Variants in SBF2 observed in about 807,000 individuals in gnomAD.
The protein encoded by SBF2 is myotubularin-related protein 13.
Under a neutral mutation model 225.2 loss-of-function variants are expected in SBF2, and 112 were observed. The observed-to-expected ratio is 0.50, with a 90% confidence interval of 0.43 to 0.58. SBF2 has a LOEUF of 0.58. Among genes scored for constraint, SBF2 ranks in the 20% least tolerant of loss-of-function variants. The pLI, the probability that SBF2 is intolerant of heterozygous loss-of-function variation, is 0.00. For synonymous variants in SBF2, 763 were observed against 773.3 expected (o/e 0.99, Z 0.22); for missense variants, 1,996 against 2,206.2 (o/e 0.90, Z 1.91).
intron 13 of SBF2, among the ~76,000 whole-genome samples, chr11:9,982,374 A>G (rs949278931): frequency 6.6e-6 from 1 of 152,242 alleles, no homozygotes; most frequent in Non-Finnish European, 1.5e-5. Context: ...TGTGACTAAC[A>G]TGTTTTCATA....
chr11:9,958,431 C>A (rs1409320085), intron 16 of SBF2: 1 of 149,268 alleles, frequency 6.7e-6, no homozygotes, highest in Non-Finnish European at 1.5e-5. Context: ...AATCTCGGCT[C>A]ACTGCAGGCT....
At chr11:10,121,978 C>T (rs934097595) in intron 2 of SBF2, among the ~76,000 whole-genome samples, 5 of 152,124 alleles carry the variant, frequency 3.3e-5, no homozygotes, top group African/African-American at 1.2e-4. Context: ...GGTTTGTGTT[C>T]AAGTAACCCT....
chr11:9,833,332 CTTT>C (rs944666286), intron 26 of SBF2, among the ~76,000 whole-genome samples: 5 of 150,698 alleles, frequency 3.3e-5, no homozygotes, highest in African/African-American at 9.8e-5. Flanking sequence ...AGAGTCATTT[CTTT>C]TTTTTAGTTT....
At chr11:9,840,066 C>G (rs1856012053) in intron 25 of SBF2, among the ~76,000 whole-genome samples, 1 of 144,776 alleles carries the variant, frequency 6.9e-6, no homozygotes, top group Non-Finnish European at 1.5e-5. Context: ...AATCTCATCT[C>G]TACTAAAAAT....
At chr11:9,843,868 G>GT (rs1471231273) in intron 24 of SBF2, 33 of 152,168 alleles carry the variant, frequency 2.2e-4, no homozygotes, top group African/African-American at 7.2e-4. Flanking sequence ...TAAAAGAGCT[G>GT]TAACACTAGG....
At chr11:10,043,194 T>C (rs1949722245) in intron 2 of SBF2, among the ~76,000 whole-genome samples, 1 of 152,198 alleles carries the variant, frequency 6.6e-6, no homozygotes, top group South Asian at 2.1e-4. Flanking sequence ...ATAGCCTCGA[T>C]TTCCCACAGT....
In SBF2 at chr11:9,842,773, A is replaced by G. The variant is rs2133961719; in HGVS notation, c.3111-3T>C. 2 of 1,614,024 alleles carry G rather than the reference A, an allele frequency of 1.2e-6. No individual in the cohort carries two copies. The highest frequency in any genetic ancestry group is 1.7e-6 in the Non-Finnish European group (2 of 1,179,934). On this transcript the variant is annotated splice_polypyrimidine_tract_variant and splice_region_variant and intron_variant, in intron 24 of 39. Transcript: ENST00000256190. ...TCACAATTGTTTTTGAGAAGGTACT[A>G]CAAGTCATAAAACCAAAGAGAATGT...
chr11:10,086,905 G>T (rs1324650883), intron 2 of SBF2, among the ~76,000 whole-genome samples: 3 of 152,178 alleles, frequency 2.0e-5, no homozygotes, highest in African/African-American at 7.2e-5. Context: ...TATAAACAGT[G>T]AATTAAGACC....
At chr11:10,006,586 A>G (rs1423005380) in intron 6 of SBF2, among the ~76,000 whole-genome samples, 1 of 152,102 alleles carries the variant, frequency 6.6e-6, no homozygotes, top group African/African-American at 2.4e-5. Flanking sequence ...GTGAGTTCCT[A>G]CATCAAGCCC....
At chr11:10,085,960 T>G in intron 2 of SBF2, among the ~76,000 whole-genome samples, 1 of 135,148 alleles carries the variant, frequency 7.4e-6, no homozygotes, top group Non-Finnish European at 1.6e-5. Flanking sequence ...TCAGCTGTCC[T>G]TCCCCCCACC....
chr11:10,192,651 C>G (rs1035196505), intron 2 of SBF2, among the ~76,000 whole-genome samples: 8 of 152,102 alleles, frequency 5.3e-5, no homozygotes, highest in Non-Finnish European at 8.8e-5. Flanking sequence ...TAATCATTAT[C>G]CTCATTTTAT....
At chr11:10,119,511 T>C (rs935565773) in intron 2 of SBF2, among the ~76,000 whole-genome samples, 1 of 152,164 alleles carries the variant, frequency 6.6e-6, no homozygotes, top group Non-Finnish European at 1.5e-5. Flanking sequence ...CAAAAATAGA[T>C]TCAAAAGTTC....
At chr11:9,851,044 G>A (rs928407423) in intron 21 of SBF2, among the ~76,000 whole-genome samples, 2 of 150,838 alleles carry the variant, frequency 1.3e-5, no homozygotes, top group East Asian at 3.9e-4. Flanking sequence ...GCGGAGGCAG[G>A]AGAATCGCTT....
intron 17 of SBF2, among the ~76,000 whole-genome samples, chr11:9,884,566 G>C (rs1860101122): frequency 1.3e-5 from 2 of 152,210 alleles, no homozygotes; most frequent in South Asian, 4.2e-4. Context: ...AGTTTTGGTG[G>C]CGTACTTTCT....
At chr11:10,090,016 T>C (rs1454645997) in intron 2 of SBF2, among the ~76,000 whole-genome samples, 3 of 152,198 alleles carry the variant, frequency 2.0e-5, no homozygotes, top group Non-Finnish European at 4.4e-5. Context: ...TGGCCGGAAA[T>C]TCTGATACAT....
intron 1 of SBF2, among the ~76,000 whole-genome samples, chr11:10,211,892 T>A (rs543596819): frequency 3.5e-4 from 54 of 152,330 alleles, no homozygotes; most frequent in Middle Eastern, 3.4e-3. Context: ...CCAAGTTCTG[T>A]TTCTAGCAAA....
At position 10,242,544 on chromosome 11, in the gene SBF2, A is replaced by T. The variant is rs953415159; in HGVS notation, c.56-48557T>A. 3.3e-5 allele frequency among the ~76,000 whole-genome samples: 5 copies of T among 152,280 alleles called. No individual in the cohort carries two copies. In the East Asian group the frequency reaches 7.7e-4, roughly 24 times the overall value. ...AAAATTCACCAATCAAAGGAGGTAAAGTAATGAAAGGAGTTAAAAAACAAG... is the reference window on the plus strand; with the variant it reads ...AAAATTCACCAATCAAAGGAGGTAATGTAATGAAAGGAGTTAAAAAACAAG... On this transcript the variant is annotated intron_variant, in intron 1 of 39. Transcript: ENST00000256190.
intron 1 of SBF2, among the ~76,000 whole-genome samples, chr11:10,266,485 G>A (rs770338595): frequency 5.9e-5 from 9 of 152,166 alleles, no homozygotes; most frequent in South Asian, 4.1e-4. Context: ...TTTAGATACC[G>A]TGAGACATTC....
intron 16 of SBF2, among the ~76,000 whole-genome samples, chr11:9,948,370 C>T (rs550345362): frequency 5.9e-4 from 89 of 152,060 alleles, no homozygotes; most frequent in South Asian, 3.3e-3. Flanking sequence ...TATAAATATA[C>T]GTAATGCCAC....
Sources: gnomAD v4.1 joint callset for allele counts (sites outside exome capture counted in the v4.1 genomes callset) on GRCh38, gnomAD v4.1.1 for gene constraint, MANE v1.5 for transcripts, NCBI Gene and HGNC (gene_info 2026-07-23, HGNC 2026-07-21) for gene names.